Variants in NLGN4X observed in about 807,000 individuals in gnomAD.
The protein encoded by NLGN4X is neuroligin 4 X-linked.
A neutral mutation model predicts 40.3 loss-of-function variants in NLGN4X; 3 were observed. That is an observed-to-expected ratio of 0.07 (90% CI 0.03 to 0.19). NLGN4X has a LOEUF of 0.19. Among genes scored for constraint, NLGN4X ranks in the 10% least tolerant of loss-of-function variants. NLGN4X has a pLI of 1.00. For missense variants in NLGN4X, 382 were observed against 708.3 expected, an observed-to-expected ratio of 0.54 and a Z score of 5.23; for synonymous variants, 270 against 306.8, an observed-to-expected ratio of 0.88 and a Z score of 1.25.
intron 1 of NLGN4X, among the ~76,000 whole-genome samples, chrX:6,211,838 T>A (rs1924630913): frequency 8.9e-6 from 1 of 112,198 alleles, no homozygotes; most frequent in Non-Finnish European, 1.9e-5. Context: ...TATTAACTAC[T>A]AGCCTATGGA....
intron 3 of NLGN4X, among the ~76,000 whole-genome samples, chrX:5,982,011 C>T (rs1382287410): frequency 9.0e-6 from 1 of 111,514 alleles, no homozygotes; most frequent in Non-Finnish European, 1.9e-5. Context: ...TGAAACAAAA[C>T]AGTGGCTTTA....
intron 3 of NLGN4X, among the ~76,000 whole-genome samples, chrX:5,975,060 G>A (rs2035133540): frequency 9.0e-6 from 1 of 111,494 alleles, no homozygotes; most frequent in South Asian, 3.8e-4. Context: ...GGATTGGGAG[G>A]GAGCAGGACT....
chrX:6,097,428 A>G (rs1023493961), intron 2 of NLGN4X, among the ~76,000 whole-genome samples: 3 of 111,194 alleles, frequency 2.7e-5, no homozygotes, highest in Non-Finnish European at 5.6e-5. Flanking sequence ...AACAAATACA[A>G]TCTAATGAGA....
chrX:6,215,995 G>C (rs1925055704), intron 1 of NLGN4X, among the ~76,000 whole-genome samples: 1 of 109,412 alleles, frequency 9.1e-6, no homozygotes, highest in South Asian at 4.0e-4. Flanking sequence ...TCCTGCCTCA[G>C]CCTCCTGAGT....
At chrX:6,133,954 T>C (rs1316791275) in intron 2 of NLGN4X, among the ~76,000 whole-genome samples, 1 of 111,738 alleles carries the variant, frequency 8.9e-6, no homozygotes, top group East Asian at 2.8e-4. Context: ...AAAGCAGACA[T>C]AGACAATACA....
intron 1 of NLGN4X, chrX:6,187,732 C>G (rs754741481): frequency 8.9e-6 from 1 of 112,181 alleles, no homozygotes; most frequent in Non-Finnish European, 1.9e-5. Context: ...ACATGTCCCT[C>G]TTTTTCTCTA....
At chrX:5,983,335 G>A (rs2035444069) in intron 3 of NLGN4X, among the ~76,000 whole-genome samples, 1 of 111,945 alleles carries the variant, frequency 8.9e-6, no homozygotes, top group African/African-American at 3.2e-5. Context: ...GAAACAAGAA[G>A]TCACCAACAA....
intron 3 of NLGN4X, among the ~76,000 whole-genome samples, chrX:5,926,472 A>G (rs1405435445): frequency 9.0e-6 from 1 of 110,629 alleles, no homozygotes; most frequent in Non-Finnish European, 1.9e-5. Context: ...CTGAAATTCA[A>G]TATATATAGG....
intron 1 of NLGN4X, among the ~76,000 whole-genome samples, chrX:6,153,145 T>C (rs185880839): frequency 8.9e-6 from 1 of 112,325 alleles, no homozygotes; most frequent in African/African-American, 3.2e-5. Context: ...TCAGAGCATC[T>C]GCATCAGAAA....
chrX:6,009,183 A>T (rs1473526386), intron 3 of NLGN4X, among the ~76,000 whole-genome samples: 2 of 112,160 alleles, frequency 1.8e-5, no homozygotes, highest in East Asian at 5.6e-4. Context: ...TATTGTGAAT[A>T]ACATGGTTAA....
intron 1 of NLGN4X, among the ~76,000 whole-genome samples, chrX:6,185,563 A>C (rs1921933393): frequency 8.9e-6 from 1 of 112,107 alleles, no homozygotes; most frequent in Non-Finnish European, 1.9e-5. Flanking sequence ...AGTCAGAATT[A>C]CTTCTCTCTC....
intron 3 of NLGN4X, among the ~76,000 whole-genome samples, chrX:5,946,829 C>T (rs1371336624): frequency 9.0e-6 from 1 of 111,188 alleles, no homozygotes; most frequent in Non-Finnish European, 1.9e-5. Flanking sequence ...CTCTCCCTCT[C>T]CTACCCTCCA....
chrX:6,104,439 G>T (rs1483586140), intron 2 of NLGN4X, among the ~76,000 whole-genome samples: 1 of 111,826 alleles, frequency 8.9e-6, no homozygotes, highest in Non-Finnish European at 1.9e-5. Context: ...ATTTGGCAGA[G>T]TTATAGCTCA....
chrX:6,001,008 G>A (rs889086157), intron 3 of NLGN4X, among the ~76,000 whole-genome samples: 19 of 111,532 alleles, frequency 1.7e-4, no homozygotes, highest in Admixed American at 4.8e-4. Context: ...CAATCATGGC[G>A]GAAGGGGAAG....
At chrX:6,032,851 G>T (rs1200837635) in intron 2 of NLGN4X, 2 of 435,607 alleles carry the variant, frequency 4.6e-6, no homozygotes, top group East Asian at 8.7e-5. Flanking sequence ...CCCAGAAAAA[G>T]AAAAAAAGAA....
At chrX:5,928,833 A>G (rs1413708639) in intron 3 of NLGN4X, among the ~76,000 whole-genome samples, 2 of 104,914 alleles carry the variant, frequency 1.9e-5, no homozygotes, top group African/African-American at 7.0e-5. Context: ...TTATAGAAAG[A>G]CTTATTTTTT....
At chrX:5,907,665 C>T (rs2032261327) in intron 4 of NLGN4X, among the ~76,000 whole-genome samples, 1 of 110,286 alleles carries the variant, frequency 9.1e-6, no homozygotes, top group Non-Finnish European at 1.9e-5. Flanking sequence ...TAGCAGGGCC[C>T]CAGGGAGGGT....
chrX:6,171,808 T>C (rs1432557077), intron 1 of NLGN4X, among the ~76,000 whole-genome samples: 1 of 111,742 alleles, frequency 8.9e-6, no homozygotes, highest in African/African-American at 3.3e-5. Context: ...AAATCTCATA[T>C]TGAATTGTAA....
chrX:6,055,731 AATT>A (rs779593985), intron 2 of NLGN4X, among the ~76,000 whole-genome samples: 6 of 112,473 alleles, frequency 5.3e-5, no homozygotes, highest in Non-Finnish European at 1.1e-4. Context: ...ATATAAAAAT[AATT>A]ATCTGAAAAA....
Sources: gnomAD v4.1 joint callset for allele counts (sites outside exome capture counted in the v4.1 genomes callset) on GRCh38, gnomAD v4.1.1 for gene constraint, MANE v1.5 for transcripts, NCBI Gene and HGNC (gene_info 2026-07-23, HGNC 2026-07-21) for gene names.